Variants in ORMDL1 observed in about 807,000 individuals in gnomAD.
ORMDL1 encodes ORM1-like protein 1.
ORMDL1 carries 10 observed loss-of-function variants against 13.0 expected under a neutral mutation model. The ratio of observed to expected loss-of-function variants is 0.77; its 90% CI spans 0.47 to 1.30. The LOEUF (loss-of-function observed/expected upper bound fraction) is 1.30, where lower values mean the gene tolerates loss of function less well. Among genes scored for constraint, ORMDL1 ranks in the 50% most tolerant of loss-of-function variants. The pLI is 0.00. For synonymous variants in ORMDL1, 61 were observed against 63.9 expected (o/e 0.95, Z 0.22); for missense variants, 171 against 186.7 (o/e 0.92, Z 0.49).
intron 3 of ORMDL1, among the ~76,000 whole-genome samples, chr2:189,782,213 C>G (rs933954208): frequency 2.6e-5 from 4 of 152,012 alleles, no homozygotes; most frequent in African/African-American, 9.7e-5. Flanking sequence ...AGTGCTGGGA[C>G]TTTAAATGTA....
At chr2:189,774,254 G>A (rs1318332967) in intron 4 of ORMDL1, among the ~76,000 whole-genome samples, 1 of 152,090 alleles carries the variant, frequency 6.6e-6, no homozygotes, top group Admixed American at 6.5e-5. Context: ...TAACTCCTAG[G>A]CTCAAACCAT....
At chr2:189,773,599 G>T (rs1295050674) in intron 4 of ORMDL1, among the ~76,000 whole-genome samples, 6 of 151,932 alleles carry the variant, frequency 3.9e-5, no homozygotes, top group African/African-American at 1.5e-4. Context: ...GTGCACGCCT[G>T]TAGTCCCAGC....
chr2:189,780,798 C>T (rs2047806881), intron 3 of ORMDL1, among the ~76,000 whole-genome samples: 2 of 152,154 alleles, frequency 1.3e-5, no homozygotes, highest in South Asian at 2.1e-4. Context: ...ATCGTTTGCT[C>T]TTACAAAGTC....
In ORMDL1 at chr2:189,771,722, A is replaced by T; in HGVS notation, c.*45T>A. The T allele has an allele frequency of 6.6e-7, 1 of 1,509,186 alleles. No homozygotes were observed. The highest frequency in any genetic ancestry group is 9.0e-7 in the Non-Finnish European group (1 of 1,113,560). 93.5% of individuals were successfully genotyped at this position (1,509,186 alleles called of 1,614,324 possible). A position where few individuals can be genotyped will look rare whatever the true frequency, so the allele number is the denominator to read the frequency against. On this transcript the variant is annotated 3_prime_UTR_variant, in exon 5 of 5. Coordinates refer to ENST00000392349, the MANE Select transcript of ORMDL1 (RefSeq NM_016467.5). Reference sequence around the variant, plus strand: ...AGTTTACTAACCACTCCTTCCTTATAAGAAATTCAGTAGCTGTAAAATTTT... The same window carrying T: ...AGTTTACTAACCACTCCTTCCTTATTAGAAATTCAGTAGCTGTAAAATTTT...
At chr2:189,778,440 T>G (rs1262508228) in intron 3 of ORMDL1, 2 of 456,058 alleles carry the variant, frequency 4.4e-6, no homozygotes, top group Admixed American at 4.7e-5. Flanking sequence ...AATACGTTCT[T>G]AGCGATACAA....
intron 4 of ORMDL1, among the ~76,000 whole-genome samples, chr2:189,772,750 GAAAGTATTCTA>G (rs2047606770): frequency 6.6e-6 from 1 of 152,196 alleles, no homozygotes; most frequent in South Asian, 2.1e-4. Context: ...AGTACGCAAG[GAAAGTATTCTA>G]ATAGCCTTTA....
downstream of ORMDL1, among the ~76,000 whole-genome samples, chr2:189,766,484 T>C (rs1437429971): frequency 1.3e-5 from 2 of 152,100 alleles, no homozygotes; most frequent in African/African-American, 2.4e-5. Flanking sequence ...TCCCAGCACT[T>C]TGGGAGGCTG....
At chr2:189,767,396 A>C (rs1346577995), downstream of ORMDL1, among the ~76,000 whole-genome samples, 1 of 152,232 alleles carries the variant, frequency 6.6e-6, no homozygotes, top group Non-Finnish European at 1.5e-5. Flanking sequence ...CCCCTGTAAA[A>C]ATTATAAAAT....
At chr2:189,768,084 TG>T (rs1380187963), downstream of ORMDL1, among the ~76,000 whole-genome samples, 1 of 152,238 alleles carries the variant, frequency 6.6e-6, no homozygotes, top group Non-Finnish European at 1.5e-5. Flanking sequence ...CTTTTTTACC[TG>T]GAACTGAAAT....
intron 1 of ORMDL1, chr2:189,784,008 G>A (rs1238445083): frequency 1.3e-5 from 2 of 152,496 alleles, no homozygotes; most frequent in African/African-American, 4.8e-5. Context: ...CTCAGCAAAA[G>A]CCGCCGCTGC....
downstream of ORMDL1, chr2:189,770,214 G>T (rs2047548507): frequency 6.6e-6 from 1 of 152,202 alleles, no homozygotes; most frequent in South Asian, 2.1e-4. Context: ...TTAAAATAAA[G>T]AAAAATGAAT....
chr2:189,781,290 T>A (rs572187878), intron 3 of ORMDL1, among the ~76,000 whole-genome samples: 16 of 152,326 alleles, frequency 1.1e-4, no homozygotes, highest in African/African-American at 3.6e-4. Context: ...AAGTTCATTT[T>A]AAAAAATATC....
chr2:189,775,899 G>T (rs986598869), intron 3 of ORMDL1, among the ~76,000 whole-genome samples, 183 bp from the exon 4 acceptor site: 8 of 152,054 alleles, frequency 5.3e-5, no homozygotes, highest in African/African-American at 1.4e-4. Flanking sequence ...GAACTTTCTG[G>T]GGTATAAAAA....
At chr2:189,781,096 T>C (rs533769543) in intron 3 of ORMDL1, among the ~76,000 whole-genome samples, 1 of 152,178 alleles carries the variant, frequency 6.6e-6, no homozygotes, top group African/African-American at 2.4e-5. Context: ...TTGTATTTTT[T>C]GTAGAGACAG....
Position 189,773,722 on chromosome 2 carries a change from C to CAAAAAAA in ORMDL1, c.327-1827_327-1821dup, listed in dbSNP as rs56366510. On this transcript the variant is annotated intron_variant, in intron 4 of 4. Coordinates refer to ENST00000392349, the MANE Select transcript of ORMDL1 (RefSeq NM_016467.5). ...GGGCAGCAGAGCAAGACTCTTGTCT[C>CAAAAAAA]AAAAAAAAAAAAAATTCTGGAATAA... Among the ~76,000 whole-genome samples, 208 of 64,318 alleles carry CAAAAAAA rather than the reference C, an allele frequency of 3.2e-3. 6 individuals carry two copies. The highest frequency in any genetic ancestry group is 0.011 in the African/African-American group (177 of 15,538). The allele number at this position is 64,318 out of a possible 152,430, so 42.2% of individuals were successfully genotyped here.
At chr2:189,777,372 T>G (rs2047722483) in intron 3 of ORMDL1, among the ~76,000 whole-genome samples, 2 of 152,128 alleles carry the variant, frequency 1.3e-5, no homozygotes, top group African/African-American at 4.8e-5. Flanking sequence ...AAAGTATATG[T>G]TTTCAAATCA....
At chr2:189,767,654 T>G (rs1559185280), downstream of ORMDL1, among the ~76,000 whole-genome samples, 1 of 152,210 alleles carries the variant, frequency 6.6e-6, no homozygotes, top group Non-Finnish European at 1.5e-5. Context: ...TATCAACACA[T>G]ACTTATGCTG....
downstream of ORMDL1, among the ~76,000 whole-genome samples, chr2:189,766,737 A>T (rs537963172): frequency 2.8e-4 from 40 of 143,982 alleles, 1 homozygote; most frequent in South Asian, 7.6e-3. Context: ...AAAAAAAAAA[A>T]CAAAACAAAA....
chr2:189,772,513 G>T (rs1166691644), intron 4 of ORMDL1, among the ~76,000 whole-genome samples: 1 of 152,054 alleles, frequency 6.6e-6, no homozygotes, highest in African/African-American at 2.4e-5. Context: ...GTATGTTTTT[G>T]GATATCCAAC....
Sources: allele counts gnomAD v4.1 joint callset (sites outside exome capture counted in the v4.1 genomes callset), GRCh38; gene constraint gnomAD v4.1.1; transcripts MANE v1.5; gene names NCBI Gene and HGNC (gene_info 2026-07-23, HGNC 2026-07-21).